CDH2: variants seen among roughly 807,000 people sequenced by gnomAD.
CDH2 encodes the protein cadherin-2.
Under a neutral mutation model 92.0 loss-of-function variants are expected in CDH2, and 17 were observed. That is an observed-to-expected ratio of 0.18 (90% CI 0.13 to 0.28). The LOEUF (loss-of-function observed/expected upper bound fraction) is 0.28, where lower values mean the gene tolerates loss of function less well. Ranked by LOEUF, CDH2 falls within the 10% of genes least tolerant of loss-of-function variation. The pLI is 1.00. For synonymous variants in CDH2, 419 were observed against 415.9 expected (o/e 1.01, Z -0.09); for missense variants, 862 against 1,133.1 (o/e 0.76, Z 3.44).
intron 1 of CDH2, among the ~76,000 whole-genome samples, chr18:28,162,291 C>A (rs1217900800): frequency 6.6e-6 from 1 of 152,162 alleles, no homozygotes; most frequent in Non-Finnish European, 1.5e-5. Context: ...TGTGCTGAGT[C>A]TGAGGCACTC....
intron 7 of CDH2, among the ~76,000 whole-genome samples, chr18:27,993,974 G>A (rs1169101847): frequency 6.6e-6 from 1 of 152,160 alleles, no homozygotes; most frequent in East Asian, 1.9e-4. Context: ...AAGTCATTTG[G>A]TTCGTATTTA....
intron 4 of CDH2, among the ~76,000 whole-genome samples, chr18:28,010,402 A>G (rs1278634445): frequency 6.6e-6 from 1 of 152,196 alleles, no homozygotes; most frequent in Non-Finnish European, 1.5e-5. Context: ...TTTCCGTATC[A>G]TTTTAAGTGA....
At chr18:28,145,508 G>A (rs1174038696) in intron 2 of CDH2, among the ~76,000 whole-genome samples, 1 of 151,922 alleles carries the variant, frequency 6.6e-6, no homozygotes, top group African/African-American at 2.4e-5. Flanking sequence ...ATTATGGTGT[G>A]GTATTTGGCT....
At chr18:28,066,407 T>A (rs1050497559) in intron 2 of CDH2, among the ~76,000 whole-genome samples, 3 of 152,174 alleles carry the variant, frequency 2.0e-5, no homozygotes, top group Admixed American at 2.0e-4. Context: ...GCACAAGAGT[T>A]CGAACAAAGG....
intron 2 of CDH2, among the ~76,000 whole-genome samples, chr18:28,038,264 A>G (rs761603293): frequency 3.3e-5 from 5 of 152,072 alleles, no homozygotes; most frequent in Non-Finnish European, 7.4e-5. Context: ...ATCTACCAAA[A>G]ATACAAAAAT....
At chr18:28,144,305 A>G (rs2016000948) in intron 2 of CDH2, among the ~76,000 whole-genome samples, 2 of 152,032 alleles carry the variant, frequency 1.3e-5, no homozygotes, top group Admixed American at 6.6e-5. Flanking sequence ...GACTGCCTAA[A>G]CATACAAAAA....
chr18:28,032,071 T>C (rs917335564), intron 2 of CDH2, among the ~76,000 whole-genome samples: 3 of 152,150 alleles, frequency 2.0e-5, no homozygotes, highest in Admixed American at 6.6e-5. Context: ...AGTGTAGTTA[T>C]TGGTCTACTA....
chr18:28,103,581 C>T (rs1010627783), intron 2 of CDH2, among the ~76,000 whole-genome samples: 5 of 151,536 alleles, frequency 3.3e-5, no homozygotes, highest in Non-Finnish European at 5.9e-5. Flanking sequence ...ATACACATGC[C>T]ATGGTGGTTT....
At chr18:27,974,670 G>T (rs939974301) in intron 14 of CDH2, among the ~76,000 whole-genome samples, 2 of 152,112 alleles carry the variant, frequency 1.3e-5, no homozygotes, top group Non-Finnish European at 2.9e-5. Context: ...ATTAAGAAGT[G>T]GGGCCTTTAC....
chr18:27,933,396 A>AAAATGTAT (rs61641212), intron 6 of CDH2, among the ~76,000 whole-genome samples: 49 of 152,306 alleles, frequency 3.2e-4, no homozygotes, highest in African/African-American at 1.2e-3. Flanking sequence ...ATTCATCTAT[A>AAAATGTAT]AAATGTATAG....
intron 2 of CDH2, among the ~76,000 whole-genome samples, chr18:28,120,827 T>C (rs11564386): frequency 0.045 from 6,881 of 152,176 alleles, 184 homozygotes; most frequent in South Asian, 0.082. Context: ...TCACCCACAC[T>C]ATTAAGTTGT....
At chr18:28,088,006 T>C (rs11564399) in intron 2 of CDH2, among the ~76,000 whole-genome samples, 2,087 of 152,224 alleles carry the variant, frequency 0.014, 54 homozygotes, top group African/African-American at 0.048. Flanking sequence ...AGCTCCTCAA[T>C]AGATACACTT....
chr18:28,036,552 A>G (rs764388637), intron 2 of CDH2: 3 of 1,598,074 alleles, frequency 1.9e-6, no homozygotes, highest in South Asian at 1.1e-5. Context: ...AAAACATGCC[A>G]TCAAGTTTCC....
intron 6 of CDH2, among the ~76,000 whole-genome samples, chr18:27,935,214 G>A (rs1232821797): frequency 6.6e-6 from 1 of 152,156 alleles, no homozygotes; most frequent in Non-Finnish European, 1.5e-5. Flanking sequence ...AAAGAAAAGA[G>A]GCTTAATTGG....
chr18:27,962,368 A>G (rs1384029142), intron 15 of CDH2, among the ~76,000 whole-genome samples: 1 of 152,244 alleles, frequency 6.6e-6, no homozygotes, highest in African/African-American at 2.4e-5. Context: ...AGAGACAGGC[A>G]ACTATTCCAA....
intron 4 of CDH2, 69 bp downstream of exon 4, chr18:28,011,777 A>C: frequency 6.9e-7 from 1 of 1,458,528 alleles, no homozygotes; most frequent in Non-Finnish European, 9.4e-7. Flanking sequence ...TGTAAAAAAA[A>C]TAGACAGAAA....
intron 1 of CDH2, among the ~76,000 whole-genome samples, chr18:28,152,071 T>G (rs2016131562): frequency 6.6e-6 from 1 of 152,178 alleles, no homozygotes; most frequent in East Asian, 1.9e-4. Flanking sequence ...ACAAAAATAA[T>G]GGCAGCAGGA....
intron 15 of CDH2, among the ~76,000 whole-genome samples, chr18:27,952,704 T>C (rs114641731): frequency 6.6e-6 from 1 of 151,984 alleles, no homozygotes; most frequent in South Asian, 2.1e-4. Context: ...TAACATAATA[T>C]ATAGAGCAGC....
At chr18:28,123,297 T>C (rs1197077741) in intron 2 of CDH2, among the ~76,000 whole-genome samples, 1 of 152,134 alleles carries the variant, frequency 6.6e-6, no homozygotes, top group African/African-American at 2.4e-5. Context: ...AGTTGACAGA[T>C]CACCTCTCAG....
Sources: gnomAD v4.1 joint callset for allele counts (sites outside exome capture counted in the v4.1 genomes callset) on GRCh38, gnomAD v4.1.1 for gene constraint, MANE v1.5 for transcripts, NCBI Gene and HGNC (gene_info 2026-07-23, HGNC 2026-07-21) for gene names.